TRIM8: variants seen among roughly 807,000 people sequenced by gnomAD.
TRIM8 encodes E3 ubiquitin-protein ligase TRIM8.
TRIM8 carries 9 observed loss-of-function variants against 55.7 expected under a neutral mutation model. The ratio of observed to expected loss-of-function variants is 0.16; its 90% CI spans 0.10 to 0.28. TRIM8 has a LOEUF of 0.28. Among genes scored for constraint, TRIM8 ranks in the 10% least tolerant of loss-of-function variants. TRIM8 has a pLI of 1.00. For missense variants in TRIM8, 556 were observed against 736.4 expected, an observed-to-expected ratio of 0.76 and a Z score of 2.83; for synonymous variants, 335 against 333.3, an observed-to-expected ratio of 1.01 and a Z score of -0.06.
intron 1 of TRIM8, among the ~76,000 whole-genome samples, chr10:102,649,456 G>A (rs2063963121): frequency 2.0e-5 from 3 of 152,228 alleles, no homozygotes; most frequent in Non-Finnish European, 2.9e-5. Flanking sequence ...CTGGCGAGGC[G>A]GAGCAAGCCC....
chr10:102,654,581 T>C (rs2064008861), intron 1 of TRIM8, 72 bp from the exon 2 acceptor site: 2 of 1,173,546 alleles, frequency 1.7e-6, no homozygotes, highest in South Asian at 2.4e-5. Context: ...ATGCATGTGT[T>C]GTGTAGAGGG....
chr10:102,657,169 G>C lies in TRIM8; in HGVS notation c.1471G>C (p.Gly491Arg), dbSNP rs752515461. 2 of 1,613,716 alleles carry C rather than the reference G, an allele frequency of 1.2e-6. No individual in the cohort carries two copies. The highest frequency in any genetic ancestry group is 1.7e-6 in the Non-Finnish European group (2 of 1,179,908). ...CGGCCACCAGCCCTACCCCCGCTCC[G>C]GCCACTTTCCCTGGACAGTGCCCTC... is the stretch of plus-strand genomic sequence containing the variant. The part of the protein sequence containing the change: ...HGGHQPYPRS[G>R]HFPWTVPSQE... Residue 491 changes from glycine (G) to arginine (R), a missense_variant, in exon 6 of 6, where the codon GGC (glycine) becomes CGC (arginine). Physicochemically the swap from Gly to Arg is moderately radical, Grantham distance 125 (BLOSUM62 -2). Around this residue, in one of 2 missense-constraint regions of TRIM8, gnomAD observed 391 missense variants for 441.0 expected, o/e 0.89. Coordinates refer to ENST00000643721, the MANE Select transcript of TRIM8 (RefSeq NM_030912.3).
intron 1 of TRIM8, among the ~76,000 whole-genome samples, chr10:102,646,126 C>T (rs1204040212): frequency 6.6e-6 from 1 of 152,204 alleles, no homozygotes; most frequent in South Asian, 2.1e-4. Flanking sequence ...CCCCTCAGGC[C>T]TCTGGGCCTG....
intron 1 of TRIM8, among the ~76,000 whole-genome samples, chr10:102,646,750 G>C (rs1336015301): frequency 1.3e-5 from 2 of 152,178 alleles, no homozygotes; most frequent in Non-Finnish European, 2.9e-5. Flanking sequence ...TGGAAGGGCT[G>C]GGGGAGGAGG....
At chr10:102,651,539 T>A (rs1237375412) in intron 1 of TRIM8, among the ~76,000 whole-genome samples, 1 of 152,230 alleles carries the variant, frequency 6.6e-6, no homozygotes, top group East Asian at 1.9e-4. Flanking sequence ...GGGACTCACC[T>A]GAATCCTCCC....
rs2064032528 is a variant in TRIM8 at position 102,657,112 on chromosome 10, AACTGTT to A, written c.1421_1426del (p.Tyr474_Cys475del). ...CAAGATTCTCGTCTGTTCTGTGGACAACTGTTACTGTTCTTCCGTGGCCAACCATGG... is the reference window on the plus strand; with the variant it reads ...CAAGATTCTCGTCTGTTCTGTGGACAACTGTTCTTCCGTGGCCAACCATGG... On this transcript the variant is annotated inframe_deletion, in exon 6 of 6. Transcript: ENST00000643721. 3.1e-6 allele frequency: 5 copies of A among 1,613,676 alleles called. No homozygotes were observed. Among genetic ancestry groups the A allele is most frequent in the African/African-American group, 1.3e-5 (1 of 74,888 alleles).
Position 102,657,306 on chromosome 10 carries a change from C to A in TRIM8, c.1608C>A (p.Phe536Leu). 1 of 1,611,834 alleles carries A rather than the reference C, an allele frequency of 6.2e-7. No individual in the cohort carries two copies. Among genetic ancestry groups the A allele is most frequent in the African/African-American group, 1.3e-5 (1 of 75,054 alleles). ...CCCAGCAGCCCGGCCACCAGGATTT[C>A]TACAGGGTGTATGGGCAGCCGTCCA... is the stretch of plus-strand genomic sequence containing the variant. ...DASQQPGHQD[F>L]YRVYGQPSTK... The change falls in exon 6 of 6, where the codon TTC (phenylalanine) becomes TTA (leucine). Residue 536 changes from phenylalanine to leucine, a missense_variant. Transcript: ENST00000643721.
In TRIM8 at chr10:102,655,163, A is replaced by G; in HGVS notation, c.750A>G (p.Thr250=). ...HQLLDEDLRQ[T]VEVLDKAQAK... is the part of the protein sequence containing the mutation. Reference sequence around the variant, plus strand: ...TGCTGGACGAGGACCTGCGGCAGACAGTGGAGGTCCTAGACAAGGCCCAGG... The same window carrying G: ...TGCTGGACGAGGACCTGCGGCAGACGGTGGAGGTCCTAGACAAGGCCCAGG... Residue 250 remains threonine, a synonymous_variant, in exon 3 of 6, where the codon ACA becomes ACG. Transcript: ENST00000643721. 6.2e-7 allele frequency: 1 copy of G among 1,612,110 alleles called. No individual in the cohort carries two copies. Among genetic ancestry groups the G allele is most frequent in the Non-Finnish European group, 8.5e-7 (1 of 1,179,424 alleles).
At chr10:102,652,806 T>G (rs1262045336) in intron 1 of TRIM8, among the ~76,000 whole-genome samples, 1 of 89,874 alleles carries the variant, frequency 1.1e-5, no homozygotes, top group African/African-American at 2.9e-5. Flanking sequence ...ATACTTAACT[T>G]TTTTTTTTTT....
At position 102,656,207 on chromosome 10, in the gene TRIM8, G is replaced by A. The variant is rs1424364464; in HGVS notation, c.933-63G>A. 6.2e-7 allele frequency: 1 copy of A among 1,613,988 alleles called. No individual in the cohort carries two copies. Among genetic ancestry groups the A allele is most frequent in the Non-Finnish European group, 8.5e-7 (1 of 1,180,012 alleles). The stretch of plus-strand genomic sequence containing the variant: ...GGCAGGGGGGCCAGGCCCATGGCGG[G>A]GAGGTAGGGCGGGCTCACCGGTGAT... On this transcript the variant is annotated intron_variant, in intron 4 of 5. Coordinates refer to ENST00000643721, the MANE Select transcript of TRIM8 (RefSeq NM_030912.3). This position sits in a 1 kb window ranked among gnomAD's most constrained non-coding sequence, Gnocchi z 4.6.
At chr10:102,655,011 T>G (rs542868524) in intron 2 of TRIM8, 69 bp from the exon 3 acceptor site, 2 of 1,550,750 alleles carry the variant, frequency 1.3e-6, no homozygotes, top group African/African-American at 2.7e-5. Context: ...GTGAGAAGGG[T>G]AAGAGGGGGG....
chr10:102,647,883 T>A (rs968382758), intron 1 of TRIM8, among the ~76,000 whole-genome samples: 4 of 152,142 alleles, frequency 2.6e-5, no homozygotes, highest in Admixed American at 2.0e-4. Flanking sequence ...ACTTACAGCA[T>A]CCACAGGTGC....
intron 2 of TRIM8, 151 bp downstream of exon 2, chr10:102,654,899 AG>A: frequency 2.2e-6 from 2 of 915,990 alleles, no homozygotes; most frequent in African/African-American, 1.6e-5. Context: ...CACTGGTGCC[AG>A]GGGATGCTGG....
Position 102,657,654 on chromosome 10 carries a change from T to C in TRIM8, c.*300T>C. On this transcript the variant is annotated 3_prime_UTR_variant, in exon 6 of 6. Coordinates refer to ENST00000643721, the MANE Select transcript of TRIM8 (RefSeq NM_030912.3). ...CTGAGCTCTCTCTCTGTTTCTCCTT[T>C]TTTCCTCTACTCCTTCCCCTTCACA... 1 of 282,950 alleles carries C rather than the reference T, an allele frequency of 3.5e-6. No individual in the cohort carries two copies. The highest frequency in any genetic ancestry group is 6.5e-5 in the East Asian group (1 of 15,382). The allele number at this position is 282,950 out of a possible 1,614,324, so 17.5% of individuals were successfully genotyped here. A position where few individuals can be genotyped will look rare whatever the true frequency, so the allele number is the denominator to read the frequency against.
At chr10:102,653,139 A>G (rs1260633314) in intron 1 of TRIM8, among the ~76,000 whole-genome samples, 1 of 152,220 alleles carries the variant, frequency 6.6e-6, no homozygotes, top group Non-Finnish European at 1.5e-5. Flanking sequence ...AAATAGCCAC[A>G]TATGACTAGT....
intron 1 of TRIM8, among the ~76,000 whole-genome samples, chr10:102,646,089 G>T (rs2063932810): frequency 6.6e-6 from 1 of 152,154 alleles, no homozygotes; most frequent in Admixed American, 6.5e-5. Flanking sequence ...TACACCCTGC[G>T]GCCGCGGCCA....
intron 1 of TRIM8, among the ~76,000 whole-genome samples, chr10:102,649,608 C>T (rs556656499): frequency 6.6e-6 from 1 of 152,314 alleles, no homozygotes; most frequent in Admixed American, 6.5e-5. Context: ...TGTTCTGCTG[C>T]CCCAGAGCGC....
intron 1 of TRIM8, among the ~76,000 whole-genome samples, chr10:102,650,331 G>C (rs1045823067): frequency 6.6e-6 from 1 of 152,166 alleles, no homozygotes; most frequent in African/African-American, 2.4e-5. Context: ...GCTCCAGGCC[G>C]GGAGGGGAGT....
At position 102,657,226 on chromosome 10, in the gene TRIM8, C is replaced by A; in HGVS notation, c.1528C>A (p.Pro510Thr). 1 of 1,614,070 alleles carries A rather than the reference C, an allele frequency of 6.2e-7. No individual in the cohort carries two copies. Among genetic ancestry groups the A allele is most frequent in the East Asian group, 2.2e-5 (1 of 44,878 alleles). The change falls in exon 6 of 6, where the codon CCC (proline) becomes ACC (threonine). Residue 510 changes from proline to threonine, a missense_variant. Pro to Thr is a conservative substitution (Grantham distance 38). Transcript: ENST00000643721. ...GTACTCACACCCGCTCCCGCCCACA[C>A]CCTCCGTCCCCCAGTCCCTTCCCAG... The part of the protein sequence containing the change: ...QEYSHPLPPT[P>T]SVPQSLPSLA...
Sources: allele counts gnomAD v4.1 joint callset (sites outside exome capture counted in the v4.1 genomes callset), GRCh38; gene constraint gnomAD v4.1.1; regional missense constraint gnomAD v4.1.1; non-coding constraint Gnocchi (gnomAD v3.1); transcripts MANE v1.5; gene names NCBI Gene and HGNC (gene_info 2026-07-23, HGNC 2026-07-21).